Variants in CCDC192 observed in about 807,000 individuals in gnomAD.
CCDC192 encodes the protein coiled-coil domain containing 192.
intron 5 of CCDC192, among the ~76,000 whole-genome samples, chr5:127,800,399 AAACAACAAC>A: frequency 9.1e-6 from 1 of 109,298 alleles, no homozygotes; most frequent in East Asian, 3.3e-4. Flanking sequence ...AAAAAAAAAA[AAACAACAAC>A]AACAAAAAGT....
At chr5:127,778,995 A>G (rs1756031155) in intron 3 of CCDC192, among the ~76,000 whole-genome samples, 1 of 151,978 alleles carries the variant, frequency 6.6e-6, no homozygotes, top group South Asian at 2.1e-4. Context: ...AGTTATTTAC[A>G]TCTTATGTCT....
intron 2 of CCDC192, among the ~76,000 whole-genome samples, chr5:127,751,652 A>T (rs1754179292): frequency 6.6e-6 from 1 of 152,032 alleles, no homozygotes; most frequent in Non-Finnish European, 1.5e-5. Flanking sequence ...CTGAATCTGA[A>T]CGTTGGCCTG....
chr5:127,812,721 C>T (rs565884036), intron 5 of CCDC192, among the ~76,000 whole-genome samples: 20 of 152,238 alleles, frequency 1.3e-4, no homozygotes, highest in African/African-American at 4.3e-4. Flanking sequence ...TAGTACGGGG[C>T]GTTTCTGCTC....
At chr5:127,907,371 T>C (rs1753226449) in intron 6 of CCDC192, among the ~76,000 whole-genome samples, 1 of 152,184 alleles carries the variant, frequency 6.6e-6, no homozygotes, top group Non-Finnish European at 1.5e-5. Flanking sequence ...ATTTGGGTTA[T>C]AAAGTTATCT....
At chr5:127,849,134 G>A (rs1187906123) in intron 5 of CCDC192, among the ~76,000 whole-genome samples, 2 of 152,216 alleles carry the variant, frequency 1.3e-5, no homozygotes, top group African/African-American at 4.8e-5. Flanking sequence ...GGAGGCTGAG[G>A]TGGGAGAATC....
chr5:127,930,857 A>G (rs1046612533), intron 6 of CCDC192, among the ~76,000 whole-genome samples: 2 of 152,064 alleles, frequency 1.3e-5, no homozygotes, highest in Non-Finnish European at 2.9e-5. Flanking sequence ...ACTGGGGCCT[A>G]CCCCCACCTT....
Position 127,786,470 on chromosome 5 carries a change from G to A in CCDC192, c.223-10633G>A, listed in dbSNP as rs575283329. On this transcript the variant is annotated intron_variant, in intron 3 of 6. Coordinates refer to ENST00000514853, the MANE Select transcript of CCDC192 (RefSeq NM_001317938.2). The stretch of plus-strand genomic sequence containing the variant: ...CTCCACTCACAGTTTTGTATTGATG[G>A]TTTCACCATTTCCTTCCTTTTTGAT... The A allele has an allele frequency of 1.1e-5, 7 of 628,688 alleles. No homozygotes were observed. The African/African-American group carries it at 1.3e-4, about 11-fold the overall frequency. The allele number at this position is 628,688 out of a possible 1,614,324, so 38.9% of individuals were successfully genotyped here.
rs201676720 is a variant in CCDC192 at position 127,709,202 on chromosome 5, G to GGAGAGAGAGAGAGAGA, written c.114+1473_114+1488dup. Among the ~76,000 whole-genome samples, 6 of 85,766 alleles carry GGAGAGAGAGAGAGAGA rather than the reference G, an allele frequency of 7.0e-5. No individual in the cohort carries two copies. The South Asian group carries it at 1.8e-3, about 26-fold the overall frequency. 56.3% of individuals were successfully genotyped at this position (85,766 alleles called of 152,430 possible). A position where few individuals can be genotyped will look rare whatever the true frequency, so the allele number is the denominator to read the frequency against. On this transcript the variant is annotated intron_variant, in intron 2 of 6. Coordinates refer to ENST00000514853, the MANE Select transcript of CCDC192 (RefSeq NM_001317938.2). The stretch of plus-strand genomic sequence containing the variant: ...GAGGGGGAGAGAGGTGGAGAGAGGG[G>GGAGAGAGAGAGAGAGA]GAGAGAGAGAGAGAGAGAGAGAGAG...
chr5:127,906,718 A>G (rs1753204797), intron 6 of CCDC192, among the ~76,000 whole-genome samples: 1 of 152,086 alleles, frequency 6.6e-6, no homozygotes, highest in African/African-American at 2.4e-5. Context: ...CTCGGGAGTT[A>G]GAGGCTGTAG....
chr5:127,908,877 A>G (rs960196077), intron 6 of CCDC192, among the ~76,000 whole-genome samples: 2 of 152,188 alleles, frequency 1.3e-5, no homozygotes, highest in Non-Finnish European at 2.9e-5. Context: ...TTTGAGAAGA[A>G]AAAATGATTT....
intron 3 of CCDC192, among the ~76,000 whole-genome samples, chr5:127,791,053 T>A (rs1462629488): frequency 6.6e-6 from 1 of 152,204 alleles, no homozygotes; most frequent in Non-Finnish European, 1.5e-5. Flanking sequence ...AAGCTGATAT[T>A]CTACATATGA....
chr5:127,730,797 G>T (rs551065900), intron 2 of CCDC192, among the ~76,000 whole-genome samples: 1 of 152,110 alleles, frequency 6.6e-6, no homozygotes, highest in South Asian at 2.1e-4. Context: ...AGCAGAAAAG[G>T]CCTTCAATAA....
At chr5:127,737,162 C>T (rs7728940) in intron 2 of CCDC192, among the ~76,000 whole-genome samples, 3,129 of 149,700 alleles carry the variant, frequency 0.021, 75 homozygotes, top group African/African-American at 0.059. Flanking sequence ...AGAACATCTT[C>T]ATTTCTGCCT....
At chr5:127,812,109 A>G (rs1328723610) in intron 5 of CCDC192, among the ~76,000 whole-genome samples, 1 of 152,200 alleles carries the variant, frequency 6.6e-6, no homozygotes. Flanking sequence ...TATCTAGCTC[A>G]CCGATTTGTC....
intron 3 of CCDC192, among the ~76,000 whole-genome samples, chr5:127,759,343 C>A (rs945259867): frequency 6.6e-6 from 1 of 152,116 alleles, no homozygotes; most frequent in Non-Finnish European, 1.5e-5. Flanking sequence ...GTGGTGGGAT[C>A]TTTGGTGGAT....
In CCDC192 at chr5:127,870,675, C is replaced by A. The variant is rs566271895; in HGVS notation, c.412-4863C>A. ...CGATTGTGAATCCAGGGGTGCAACA[C>A]AGGGTTAAAAAATCCCCAAATCAAA... On this transcript the variant is annotated intron_variant, in intron 5 of 6. Transcript: ENST00000514853. Among the ~76,000 whole-genome samples the A allele has an allele frequency of 1.3e-3, 192 of 152,224 alleles. 1 individual carries two copies. Among genetic ancestry groups the A allele is most frequent in the African/African-American group, 4.6e-3 (189 of 41,532 alleles).
chr5:127,709,343 T>C (rs1751189619), intron 2 of CCDC192, among the ~76,000 whole-genome samples: 1 of 151,944 alleles, frequency 6.6e-6, no homozygotes, highest in Non-Finnish European at 1.5e-5. Flanking sequence ...GCTAAACCAT[T>C]CGTGAGAAAC....
intron 5 of CCDC192, among the ~76,000 whole-genome samples, chr5:127,803,662 A>G (rs1219416378): frequency 1.3e-5 from 2 of 152,128 alleles, no homozygotes; most frequent in Non-Finnish European, 1.5e-5. Context: ...GAATATCTGC[A>G]GTACTCCAGA....
At chr5:127,780,174 T>C (rs532778755) in intron 3 of CCDC192, among the ~76,000 whole-genome samples, 33 of 151,550 alleles carry the variant, frequency 2.2e-4, no homozygotes, top group South Asian at 6.2e-4. Flanking sequence ...CGCACACACA[T>C]ATATATATAT....
Sources: allele counts gnomAD v4.1 joint callset (sites outside exome capture counted in the v4.1 genomes callset), GRCh38; gene constraint gnomAD v4.1.1; transcripts MANE v1.5; gene names NCBI Gene and HGNC (gene_info 2026-07-23, HGNC 2026-07-21).